CD86: variants seen among roughly 807,000 people sequenced by gnomAD.
The protein encoded by CD86 is T-lymphocyte activation antigen CD86.
Under a neutral mutation model 32.1 loss-of-function variants are expected in CD86, and 11 were observed. That is an observed-to-expected ratio of 0.34 (90% confidence interval 0.22 to 0.57). The LOEUF is 0.57. Among genes scored for constraint, CD86 ranks in the 20% least tolerant of loss-of-function variants. The probability of loss-of-function intolerance (pLI) is 0.86; values close to 1 mark genes in which losing one functional copy is unlikely to be tolerated. For synonymous variants in CD86, 137 were observed against 135.3 expected, an observed-to-expected ratio of 1.01 and a Z score of -0.09; for missense variants, 359 against 398.4, an observed-to-expected ratio of 0.90 and a Z score of 0.84.
intron 1 of CD86, among the ~76,000 whole-genome samples, chr3:122,088,832 T>C (rs2072767248): frequency 2.0e-5 from 3 of 152,196 alleles, no homozygotes; most frequent in South Asian, 2.1e-4. Flanking sequence ...TCTGGGTATA[T>C]ACCCAAAAGA....
chr3:122,074,375 T>G (rs2072529608), intron 1 of CD86, among the ~76,000 whole-genome samples: 1 of 152,238 alleles, frequency 6.6e-6, no homozygotes, highest in African/African-American at 2.4e-5. Context: ...CACAAAAGTC[T>G]GGATGAACCT....
intron 1 of CD86, among the ~76,000 whole-genome samples, chr3:122,058,477 C>G (rs1215616237): frequency 6.6e-6 from 1 of 152,190 alleles, no homozygotes; most frequent in African/African-American, 2.4e-5. Context: ...CTCAGAGCTA[C>G]TGGGGCTTTT....
At chr3:122,108,874 G>A (rs1218412203) in intron 4 of CD86, among the ~76,000 whole-genome samples, 1 of 152,140 alleles carries the variant, frequency 6.6e-6, no homozygotes, top group East Asian at 1.9e-4. Context: ...GGAACTTCAG[G>A]GCCTGGGAAC....
At chr3:122,079,282 T>C (rs1375512356) in intron 1 of CD86, among the ~76,000 whole-genome samples, 1 of 152,062 alleles carries the variant, frequency 6.6e-6, no homozygotes, top group Non-Finnish European at 1.5e-5. Flanking sequence ...TCTTCCTGGG[T>C]GGGGGTGAGG....
chr3:122,085,807 G>C (rs771643961), intron 1 of CD86, among the ~76,000 whole-genome samples: 1 of 152,178 alleles, frequency 6.6e-6, no homozygotes, highest in Non-Finnish European at 1.5e-5. Context: ...CAAGGCCCCA[G>C]GGAGCTGATG....
At chr3:122,117,153 C>T (rs536142708) in intron 5 of CD86, among the ~76,000 whole-genome samples, 1 of 152,044 alleles carries the variant, frequency 6.6e-6, no homozygotes, top group Non-Finnish European at 1.5e-5. Flanking sequence ...TTTTGATGCA[C>T]CTGTCACCCG....
chr3:122,072,610 A>G (rs1466818733), intron 1 of CD86, among the ~76,000 whole-genome samples: 2 of 151,986 alleles, frequency 1.3e-5, no homozygotes, highest in African/African-American at 4.8e-5. Context: ...GTTTGAGTTC[A>G]TTGTAGATTC....
chr3:122,111,089 T>G (rs2073165015), intron 5 of CD86, among the ~76,000 whole-genome samples: 1 of 152,176 alleles, frequency 6.6e-6, no homozygotes, highest in Non-Finnish European at 1.5e-5. Flanking sequence ...CAGATTGGGC[T>G]GAGTGGCACA....
chr3:122,066,314 A>G (rs1359113848), intron 1 of CD86, among the ~76,000 whole-genome samples: 1 of 152,210 alleles, frequency 6.6e-6, no homozygotes, highest in African/African-American at 2.4e-5. Context: ...ATGAAGAAAT[A>G]TCAAGTGCAT....
chr3:122,085,417 A>G (rs1010413916), intron 1 of CD86, among the ~76,000 whole-genome samples: 3 of 152,192 alleles, frequency 2.0e-5, no homozygotes, highest in African/African-American at 7.2e-5. Context: ...GCTGCTGTTC[A>G]TTCTGCAAAC....
At chr3:122,076,404 T>C (rs2072556143) in intron 1 of CD86, among the ~76,000 whole-genome samples, 2 of 152,220 alleles carry the variant, frequency 1.3e-5, no homozygotes, top group South Asian at 2.1e-4. Context: ...AGGTGGGTAA[T>C]TGATCATATG....
At chr3:122,084,255 G>A (rs938730129) in intron 1 of CD86, among the ~76,000 whole-genome samples, 1 of 152,166 alleles carries the variant, frequency 6.6e-6, no homozygotes. Flanking sequence ...CCAAAGTGCT[G>A]GGATTACAAG....
intron 1 of CD86, among the ~76,000 whole-genome samples, chr3:122,062,280 G>A (rs1359917170): frequency 1.3e-5 from 2 of 152,052 alleles, no homozygotes. Flanking sequence ...GAATATGAAT[G>A]GGGAGAACAT....
chr3:122,107,716 G>A (rs2107543097), intron 4 of CD86, among the ~76,000 whole-genome samples: 1 of 152,218 alleles, frequency 6.6e-6, no homozygotes, highest in African/African-American at 2.4e-5. Context: ...CCAACTCCTT[G>A]CTCCATACCC....
intron 1 of CD86, among the ~76,000 whole-genome samples, chr3:122,073,497 C>T (rs1340986174): frequency 6.6e-6 from 1 of 152,024 alleles, no homozygotes; most frequent in African/African-American, 2.4e-5. Flanking sequence ...ATGGTTGATA[C>T]ATGTTTCTGC....
chr3:122,096,276 G>A (rs1373725230), intron 2 of CD86, among the ~76,000 whole-genome samples: 1 of 152,022 alleles, frequency 6.6e-6, no homozygotes, highest in African/African-American at 2.4e-5. Context: ...ACGGGGTCTC[G>A]CTTTGTGCCC....
chr3:122,100,863 G>A (rs901917219), intron 2 of CD86, among the ~76,000 whole-genome samples: 1 of 152,148 alleles, frequency 6.6e-6, no homozygotes, highest in African/African-American at 2.4e-5. Context: ...ACCCACCTAT[G>A]GAATCCCAGT....
At chr3:122,114,691 G>A (rs1229617759) in intron 5 of CD86, among the ~76,000 whole-genome samples, 1 of 152,088 alleles carries the variant, frequency 6.6e-6, no homozygotes, top group African/African-American at 2.4e-5. Context: ...AAGAAACACA[G>A]GTAAGCTCAA....
chr3:122,067,421 G>T (rs1210748479), intron 1 of CD86, among the ~76,000 whole-genome samples: 2 of 152,162 alleles, frequency 1.3e-5, no homozygotes, highest in African/African-American at 4.8e-5. Flanking sequence ...AGAATACAGG[G>T]TGACATAAAC....
Sources: gnomAD v4.1 joint callset for allele counts (sites outside exome capture counted in the v4.1 genomes callset) on GRCh38, gnomAD v4.1.1 for gene constraint, MANE v1.5 for transcripts, NCBI Gene and HGNC (gene_info 2026-07-23, HGNC 2026-07-21) for gene names.